The following CYP46A1 variants were observed in gnomAD, a reference collection of about 807,000 sequenced individuals.
CYP46A1 encodes the protein cytochrome P450 family 46 subfamily A member 1, also known as cholesterol 24-hydroxylase.
A neutral mutation model predicts 63.3 loss-of-function variants in CYP46A1; 20 were observed. The ratio of observed to expected loss-of-function variants is 0.32; its 90% CI spans 0.22 to 0.46. CYP46A1 has a LOEUF of 0.46. CYP46A1 is among the 20% of genes least tolerant of loss of function. The probability of loss-of-function intolerance (pLI) is 1.00; values close to 1 mark genes in which losing one functional copy is unlikely to be tolerated. For synonymous variants in CYP46A1, 268 were observed against 273.6 expected (o/e 0.98, Z 0.20); for missense variants, 445 against 670.8 (o/e 0.66, Z 3.72).
intron 10 of CYP46A1, 73 bp downstream of exon 10, chr14:99,718,199 C>T: frequency 7.4e-7 from 1 of 1,342,850 alleles, no homozygotes; most frequent in Non-Finnish European, 1.1e-6. Context: ...CCTGCCCCCA[C>T]CTCCCATGGT....
Position 99,722,644 on chromosome 14 carries a change from C to CGTGTGTGTGTGT in CYP46A1, c.1176+602_1176+613dup, listed in dbSNP as rs10600179. ...ATCTGAATTGTGTGTTTGCCATTCC[C>CGTGTGTGTGTGT]GTGTGTGTGTGTGTGTGTGTGTGTG... On this transcript the variant is annotated intron_variant, in intron 12 of 14. Coordinates refer to ENST00000261835, the MANE Select transcript of CYP46A1 (RefSeq NM_006668.2). The surrounding 1 kb of genome is among the most constrained non-coding windows in gnomAD (Gnocchi z 4.6). 0.053 allele frequency among the ~76,000 whole-genome samples: 7,577 copies of CGTGTGTGTGTGT among 142,144 alleles called. 286 individuals carry two copies. The highest frequency in any genetic ancestry group is 0.067 in the Non-Finnish European group (4,383 of 65,326). The allele number at this position is 142,144 out of a possible 152,430, so 93.3% of individuals were successfully genotyped here.
chr14:99,707,517 C>T, intron 6 of CYP46A1, 51 bp from the exon 7 acceptor site: 2 of 1,493,264 alleles, frequency 1.3e-6, no homozygotes, highest in Non-Finnish European at 1.9e-6. Context: ...TGCCCTGGAT[C>T]TGCTGCCCTT....
intron 10 of CYP46A1, among the ~76,000 whole-genome samples, chr14:99,719,717 C>T (rs1474485084): frequency 1.3e-5 from 2 of 151,458 alleles, no homozygotes; most frequent in Non-Finnish European, 2.9e-5. Flanking sequence ...CAAGTTCATC[C>T]ATGTTGCAGT....
Position 99,725,878 on chromosome 14 carries a change from G to T in CYP46A1, c.1266-312G>T, listed in dbSNP as rs1280850388. The stretch of plus-strand genomic sequence containing the variant: ...ACTCCACAGCCTGCCTGAGTGTTCA[G>T]ATCCAGGCTCTGCCCAGAGCTGGAT... On this transcript the variant is annotated intron_variant, in intron 13 of 14. Transcript: ENST00000261835. The surrounding 1 kb of genome is among the most constrained non-coding windows in gnomAD (Gnocchi z 4.2). Among the ~76,000 whole-genome samples, 1 of 152,178 alleles carries T rather than the reference G, an allele frequency of 6.6e-6. No individual in the cohort carries two copies. Among genetic ancestry groups the T allele is most frequent in the Non-Finnish European group, 1.5e-5 (1 of 68,028 alleles).
chr14:99,685,370 C>T (rs896709741), intron 1 of CYP46A1, among the ~76,000 whole-genome samples: 7 of 131,212 alleles, frequency 5.3e-5, no homozygotes, highest in Admixed American at 4.0e-4. Context: ...CTGGGCCTGG[C>T]GGGCTTCTTC....
chr14:99,685,080 A>C (rs1310365659), intron 1 of CYP46A1, among the ~76,000 whole-genome samples: 12 of 6,298 alleles, frequency 1.9e-3, no homozygotes, highest in Admixed American at 2.1e-3. Context: ...ACCCCCCTCA[A>C]CTTGCCAACC....
intron 5 of CYP46A1, among the ~76,000 whole-genome samples, chr14:99,700,914 A>G (rs1406561448): frequency 6.6e-6 from 1 of 152,226 alleles, no homozygotes; most frequent in Non-Finnish European, 1.5e-5. Context: ...CAGTGAGGAA[A>G]GATGCGGAGG....
intron 13 of CYP46A1, 34 bp from the exon 14 acceptor site, chr14:99,726,156 C>A (rs2056894691): frequency 5.6e-6 from 9 of 1,593,030 alleles, no homozygotes; most frequent in Non-Finnish European, 6.9e-6. Flanking sequence ...ACGCCTGGGG[C>A]TGCTGGCCTC....
intron 9 of CYP46A1, among the ~76,000 whole-genome samples, chr14:99,717,518 C>G (rs2056801467): frequency 6.6e-6 from 1 of 152,102 alleles, no homozygotes; most frequent in South Asian, 2.1e-4. Flanking sequence ...GGCCCTGCTT[C>G]CCAGCTCTGA....
At chr14:99,703,160 A>C (rs2056646584) in intron 5 of CYP46A1, among the ~76,000 whole-genome samples, 1 of 152,198 alleles carries the variant, frequency 6.6e-6, no homozygotes, top group Admixed American at 6.5e-5. Flanking sequence ...GCATTGTATC[A>C]GGAGGCACAT....
chr14:99,721,959 C>T lies in CYP46A1; in HGVS notation c.1069C>T (p.Leu357Phe). The T allele has an allele frequency of 6.2e-7, 1 of 1,612,894 alleles. No individual in the cohort carries two copies. The highest frequency in any genetic ancestry group is 8.5e-7 in the Non-Finnish European group (1 of 1,179,222). The change falls in exon 12 of 15, where the codon CTC becomes TTC. Residue 357 changes from leucine to phenylalanine, a missense_variant. By Grantham distance (22) the Leu-to-Phe change is conservative. Coordinates refer to ENST00000261835, the MANE Select transcript of CYP46A1 (RefSeq NM_006668.2). ...LGRLQYLSQV[L>F]KESLRLYPPA... is the part of the protein sequence containing the mutation. ...TCTCCCCTTGTGGCTTCTCTAGGTC[C>T]TCAAAGAGTCGCTGAGGCTGTACCC...
chr14:99,726,473 C>T, intron 14 of CYP46A1, 84 bp from the exon 15 acceptor site: 2 of 1,358,626 alleles, frequency 1.5e-6, no homozygotes, highest in Non-Finnish European at 2.0e-6. Flanking sequence ...AGGAGGAGAG[C>T]CGGCTGTGAC....
chr14:99,726,554 C>G lies in CYP46A1; in HGVS notation c.1333-3C>G. ...CCTTCCTCATTTTGCCCGCTGGGCC[C>G]AGATGGAGGTGAAGGTGGTCATGGC... is the stretch of plus-strand genomic sequence containing the variant. On this transcript the variant is annotated splice_region_variant and splice_polypyrimidine_tract_variant and intron_variant, in intron 14 of 14. Transcript: ENST00000261835. 6.4e-7 allele frequency: 1 copy of G among 1,574,324 alleles called. No homozygotes were observed. The highest frequency in any genetic ancestry group is 8.6e-7 in the Non-Finnish European group (1 of 1,160,902).
intron 1 of CYP46A1, among the ~76,000 whole-genome samples, chr14:99,685,757 C>T (rs1474074215): frequency 6.6e-6 from 1 of 151,942 alleles, no homozygotes; most frequent in African/African-American, 2.4e-5. Flanking sequence ...GGAAAGATCT[C>T]TGTGGCTGGT....
chr14:99,717,887 G>T (rs1595203457), intron 9 of CYP46A1, 167 bp from the exon 10 acceptor site: 4 of 548,398 alleles, frequency 7.3e-6, no homozygotes. Flanking sequence ...CACCTCCCCG[G>T]GCCAAGTGAG....
intron 3 of CYP46A1, among the ~76,000 whole-genome samples, chr14:99,692,267 C>G (rs1346558763): frequency 6.6e-6 from 1 of 152,230 alleles, no homozygotes. Context: ...TTAAAGAGTG[C>G]TTACTATGTA....
At chr14:99,719,784 C>A (rs1229763656) in intron 10 of CYP46A1, among the ~76,000 whole-genome samples, 8 of 118,432 alleles carry the variant, frequency 6.8e-5, no homozygotes, top group South Asian at 2.8e-4. Flanking sequence ...TTTTTTAAGA[C>A]AGAGTCTCAC....
At chr14:99,712,668 C>T (rs1566832551) in intron 7 of CYP46A1, 2 of 152,250 alleles carry the variant, frequency 1.3e-5, no homozygotes, top group Admixed American at 6.5e-5. Flanking sequence ...AATGAAAAAA[C>T]ATCCCATGCT....
chr14:99,722,162 C>A lies in CYP46A1; in HGVS notation c.1176+96C>A. The A allele has an allele frequency of 1.2e-6, 1 of 861,484 alleles. No individual in the cohort carries two copies. Among genetic ancestry groups the A allele is most frequent in the Non-Finnish European group, 1.8e-6 (1 of 546,358 alleles). 53.4% of individuals were successfully genotyped at this position (861,484 alleles called of 1,614,324 possible). A position where few individuals can be genotyped will look rare whatever the true frequency, so the allele number is the denominator to read the frequency against. On this transcript the variant is annotated intron_variant, in intron 12 of 14. Transcript: ENST00000261835. The surrounding 1 kb of genome is among the most constrained non-coding windows in gnomAD (Gnocchi z 4.6). ...ACCAGGGGAGCCTGTGGCCCTGTTC[C>A]CATCATTGCAACGGGCCTCACTGGC...
Sources: allele counts gnomAD v4.1 joint callset (sites outside exome capture counted in the v4.1 genomes callset), GRCh38; gene constraint gnomAD v4.1.1; non-coding constraint Gnocchi (gnomAD v3.1); transcripts MANE v1.5; gene names NCBI Gene and HGNC (gene_info 2026-07-23, HGNC 2026-07-21).